The following DAPK2 variants were observed in gnomAD, a reference collection of about 807,000 sequenced individuals.
DAPK2 encodes the protein death-associated protein kinase 2.
A neutral mutation model predicts 44.1 loss-of-function variants in DAPK2; 35 were observed. The observed-to-expected ratio is 0.79, with a 90% CI of 0.61 to 1.05. The LOEUF is 1.05. DAPK2 is among the 50% of genes least tolerant of loss of function. The probability of loss-of-function intolerance (pLI) is 0.00; values close to 1 mark genes in which losing one functional copy is unlikely to be tolerated. For synonymous variants in DAPK2, 174 were observed against 182.6 expected (o/e 0.95, Z 0.38); for missense variants, 453 against 483.2 (o/e 0.94, Z 0.59).
At chr15:64,036,307 GTGTA>G (rs1244822008) in intron 1 of DAPK2, among the ~76,000 whole-genome samples, 28 of 53,152 alleles carry the variant, frequency 5.3e-4, no homozygotes, top group East Asian at 1.5e-3. Context: ...GTGTGTGTGT[GTGTA>G]TATATATGTA....
rs374641253 is a variant in DAPK2 at position 63,912,061 on chromosome 15, C to T, written c.948+47G>A. On this transcript the variant is annotated intron_variant, in intron 9 of 10. Transcript: ENST00000261891. This position sits in a 1 kb window ranked among gnomAD's most constrained non-coding sequence, Gnocchi z 4.4. ...GGAGACCCTGGAGAGCCAGAAACCC[C>T]GCCCTAGCCCCCACCCTGTCCCCCG... 9.5e-6 allele frequency: 15 copies of T among 1,579,672 alleles called. No individual in the cohort carries two copies. Among genetic ancestry groups the T allele is most frequent in the South Asian group, 3.4e-5 (3 of 87,052 alleles).
intron 1 of DAPK2, among the ~76,000 whole-genome samples, chr15:64,002,688 G>T (rs2079112582): frequency 1.3e-5 from 2 of 152,188 alleles, no homozygotes; most frequent in African/African-American, 4.8e-5. Context: ...ACATGCAAGG[G>T]ATGATAGTAT....
At chr15:64,026,808 T>C (rs1188779933) in intron 1 of DAPK2, among the ~76,000 whole-genome samples, 1 of 152,290 alleles carries the variant, frequency 6.6e-6, no homozygotes, top group South Asian at 2.1e-4. Flanking sequence ...CATCAGTCTA[T>C]AGGGAAGAGC....
intron 1 of DAPK2, among the ~76,000 whole-genome samples, chr15:64,000,575 T>C (rs1401498461): frequency 1.3e-5 from 2 of 152,122 alleles, no homozygotes; most frequent in African/African-American, 4.8e-5. Context: ...CATGACTGAA[T>C]TAGACTGCTT....
rs1567197223 is a variant in DAPK2, at chr15:63,911,920, CGGCCTCA to C, written c.1013_1019del (p.Leu338ArgfsTer5). ...TGCATTTACCCACCAGGTCCTCATCCGGCCTCAGGTGCACCTTCTTCATCAGCGAGCG... is the reference window on the plus strand; with the variant it reads ...TGCATTTACCCACCAGGTCCTCATCCGGTGCACCTTCTTCATCAGCGAGCG... On this transcript the variant is annotated frameshift_variant, in exon 10 of 11. Transcript: ENST00000261891. LOFTEE classifies it high-confidence loss of function. The C allele has an allele frequency of 1.9e-6, 3 of 1,613,590 alleles. No individual in the cohort carries two copies. Among genetic ancestry groups the C allele is most frequent in the Non-Finnish European group, 2.5e-6 (3 of 1,179,832 alleles).
chr15:63,976,599 T>G (rs1453141770), intron 2 of DAPK2, among the ~76,000 whole-genome samples: 2 of 151,702 alleles, frequency 1.3e-5, no homozygotes, highest in African/African-American at 2.4e-5. Context: ...GCACCTGTAG[T>G]TCCAGCTACT....
intron 3 of DAPK2, among the ~76,000 whole-genome samples, chr15:63,950,151 C>T (rs747098091): frequency 1.3e-5 from 2 of 152,184 alleles, no homozygotes; most frequent in Non-Finnish European, 2.9e-5. Context: ...AATGTATGCA[C>T]ATTCTATAGC....
At chr15:63,958,202 GT>G (rs1039348303) in intron 3 of DAPK2, among the ~76,000 whole-genome samples, 1 of 150,700 alleles carries the variant, frequency 6.6e-6, no homozygotes, top group Non-Finnish European at 1.5e-5. Flanking sequence ...TGATGGAGTT[GT>G]TTTTTTTTCT....
At chr15:64,008,819 G>C (rs2079308495) in intron 1 of DAPK2, among the ~76,000 whole-genome samples, 1 of 152,160 alleles carries the variant, frequency 6.6e-6, no homozygotes, top group African/African-American at 2.4e-5. Flanking sequence ...CACCTGCATA[G>C]ACATCCCTAA....
At chr15:63,995,513 GT>G (rs1939829571) in intron 1 of DAPK2, among the ~76,000 whole-genome samples, 2 of 152,198 alleles carry the variant, frequency 1.3e-5, no homozygotes, top group African/African-American at 4.8e-5. Flanking sequence ...TCGCCTGCCT[GT>G]TACTTCAATC....
chr15:63,992,994 T>C (rs774984922), intron 1 of DAPK2, among the ~76,000 whole-genome samples: 9 of 152,166 alleles, frequency 5.9e-5, no homozygotes, highest in Non-Finnish European at 1.0e-4. Flanking sequence ...AAATCCAGGA[T>C]GGTTTGAGGC....
At chr15:64,010,253 G>C (rs1445302170) in intron 1 of DAPK2, among the ~76,000 whole-genome samples, 1 of 152,126 alleles carries the variant, frequency 6.6e-6, no homozygotes. Flanking sequence ...TGAGAACCAC[G>C]AGTTCTCACG....
At chr15:63,922,250 A>C (rs2079095792) in intron 8 of DAPK2, 1 of 986,122 alleles carries the variant, frequency 1.0e-6, no homozygotes, top group Non-Finnish European at 1.2e-6. Flanking sequence ...AAATCAATGC[A>C]AACGAAAGGC....
intron 3 of DAPK2, among the ~76,000 whole-genome samples, chr15:63,941,594 G>C (rs2077309837): frequency 6.6e-6 from 1 of 152,138 alleles, no homozygotes. Context: ...TTCCACTCAA[G>C]GGAGCTGACT....
chr15:63,915,487 G>C (rs1028056177), intron 8 of DAPK2, among the ~76,000 whole-genome samples: 1 of 152,230 alleles, frequency 6.6e-6, no homozygotes, highest in East Asian at 1.9e-4. Flanking sequence ...CTCTGGGGGA[G>C]AAGAGATTTC....
intron 8 of DAPK2, among the ~76,000 whole-genome samples, chr15:63,913,215 A>G (rs1339762260): frequency 6.6e-6 from 1 of 152,178 alleles, no homozygotes; most frequent in African/African-American, 2.4e-5. Context: ...AAAACAGGGA[A>G]TGGCTACTAA....
Position 63,929,414 on chromosome 15 carries a change from C to T in DAPK2, c.659+137G>A. The T allele has an allele frequency of 2.7e-6, 3 of 1,130,642 alleles. No individual in the cohort carries two copies. The South Asian group carries it at 4.3e-5, about 16-fold the overall frequency. The allele number at this position is 1,130,642 out of a possible 1,614,324, so 70.0% of individuals were successfully genotyped here. A position where few individuals can be genotyped will look rare whatever the true frequency, so the allele number is the denominator to read the frequency against. ...TGGACCTACAGCACTTAGCCTCAGG[C>T]TTGCTGTGTGGACTTAACACATCTG... is the stretch of plus-strand genomic sequence containing the variant. On this transcript the variant is annotated intron_variant, in intron 6 of 10. Coordinates refer to ENST00000261891, the Ensembl canonical transcript of DAPK2.
intron 1 of DAPK2, among the ~76,000 whole-genome samples, chr15:63,992,429 C>T (rs2078844444): frequency 6.6e-6 from 1 of 152,160 alleles, no homozygotes; most frequent in Non-Finnish European, 1.5e-5. Context: ...CCATCTGTCT[C>T]TCATTTACTG....
intron 6 of DAPK2, 125 bp from the exon 8 acceptor site, chr15:63,926,218 G>GC (rs2079260085): frequency 9.2e-7 from 1 of 1,090,432 alleles, no homozygotes; most frequent in African/African-American, 1.6e-5. Flanking sequence ...AACACAGCCT[G>GC]CCCCCTCTGG....
Sources: gnomAD v4.1 joint callset for allele counts (sites outside exome capture counted in the v4.1 genomes callset) on GRCh38, gnomAD v4.1.1 for gene constraint, Gnocchi (gnomAD v3.1) non-coding constraint, MANE v1.5 for transcripts, NCBI Gene and HGNC (gene_info 2026-07-23, HGNC 2026-07-21) for gene names.